The following CNBD1 variants were observed in gnomAD, a reference collection of about 807,000 sequenced individuals.
CNBD1 encodes the protein cyclic nucleotide binding domain containing 1, also known as cyclic nucleotide-binding domain-containing protein 1.
CNBD1 carries 71 observed loss-of-function variants against 54.4 expected under a neutral mutation model. The observed-to-expected ratio is 1.30, with a 90% CI of 1.08 to 1.59. The LOEUF (loss-of-function observed/expected upper bound fraction) is 1.59. Ranked by LOEUF, CNBD1 falls within the 40% of genes most tolerant of loss-of-function variation. The pLI is 0.00. For missense variants in CNBD1, 659 were observed against 518.0 expected (o/e 1.27, Z -2.64); for synonymous variants, 182 against 170.7 (o/e 1.07, Z -0.51).
At chr8:86,967,495 C>G (rs1160999188) in intron 4 of CNBD1, among the ~76,000 whole-genome samples, 2 of 152,254 alleles carry the variant, frequency 1.3e-5, no homozygotes, top group African/African-American at 2.4e-5. Context: ...GCAGCACCAA[C>G]TGAGCCTCCC....
intron 3 of CNBD1, among the ~76,000 whole-genome samples, chr8:86,934,738 G>A (rs774144954): frequency 2.6e-5 from 4 of 151,734 alleles, no homozygotes; most frequent in Non-Finnish European, 4.4e-5. Context: ...TTTTCCTTAC[G>A]TATTTTGTTA....
chr8:87,327,052 A>G (rs1809685824), intron 8 of CNBD1, among the ~76,000 whole-genome samples: 2 of 149,828 alleles, frequency 1.3e-5, no homozygotes, highest in Admixed American at 6.7e-5. Context: ...GATCTGTTGG[A>G]ATACCCTGCC....
downstream of CNBD1, among the ~76,000 whole-genome samples, chr8:87,387,078 G>C (rs991105183): frequency 6.6e-6 from 1 of 152,144 alleles, no homozygotes; most frequent in Non-Finnish European, 1.5e-5. Context: ...TCACCACCAG[G>C]CCTGCCCTAA....
chr8:87,201,157 T>C (rs1418851068), intron 4 of CNBD1, among the ~76,000 whole-genome samples: 1 of 152,056 alleles, frequency 6.6e-6, no homozygotes, highest in Admixed American at 6.5e-5. Context: ...ATTTTCTTTA[T>C]AAATATGAAA....
intron 5 of CNBD1, among the ~76,000 whole-genome samples, chr8:87,231,685 G>A (rs1035491930): frequency 1.3e-5 from 2 of 151,922 alleles, no homozygotes; most frequent in African/African-American, 4.8e-5. Flanking sequence ...CCATTTAATT[G>A]ACATATCATA....
intron 3 of CNBD1, among the ~76,000 whole-genome samples, chr8:86,938,615 G>A (rs1809593637): frequency 6.6e-6 from 1 of 152,134 alleles, no homozygotes; most frequent in Admixed American, 6.5e-5. Context: ...ATCAGATCTT[G>A]TGAGACTTAC....
chr8:87,370,563 T>A (rs1450335449), intron 10 of CNBD1, among the ~76,000 whole-genome samples: 1 of 152,162 alleles, frequency 6.6e-6, no homozygotes, highest in Non-Finnish European at 1.5e-5. Context: ...TGCCCACTTT[T>A]TGATGGGGTT....
At chr8:86,873,032 C>T (rs1393760322) in intron 1 of CNBD1, among the ~76,000 whole-genome samples, 1 of 151,746 alleles carries the variant, frequency 6.6e-6, no homozygotes, top group Admixed American at 6.6e-5. Context: ...AAGCTACGAT[C>T]ATGCTACTGC....
At chr8:87,404,111 C>G (rs981801526) in intron 2 of CNBD1, among the ~76,000 whole-genome samples, 10 of 151,912 alleles carry the variant, frequency 6.6e-5, no homozygotes, top group Non-Finnish European at 1.5e-4. Flanking sequence ...GGTATTAGAT[C>G]AAGAGAGAAG....
intron 2 of CNBD1, among the ~76,000 whole-genome samples, chr8:87,409,376 G>A (rs1200214194): frequency 6.6e-6 from 1 of 152,246 alleles, no homozygotes; most frequent in African/African-American, 2.4e-5. Flanking sequence ...GCAGAAATTT[G>A]AAAGCTAACA....
intron 8 of CNBD1, among the ~76,000 whole-genome samples, chr8:87,336,807 T>C (rs1445509164): frequency 6.6e-6 from 1 of 152,184 alleles, no homozygotes; most frequent in Non-Finnish European, 1.5e-5. Flanking sequence ...GTTTTTTCAT[T>C]GATTCTTTCT....
chr8:87,373,650 A>T (rs1289563922), intron 10 of CNBD1, among the ~76,000 whole-genome samples: 2 of 151,848 alleles, frequency 1.3e-5, no homozygotes, highest in Non-Finnish European at 2.9e-5. Flanking sequence ...GATGAAAGAA[A>T]ATTACAATAA....
chr8:87,269,162 C>G (rs1415326916), intron 6 of CNBD1, among the ~76,000 whole-genome samples: 3 of 152,056 alleles, frequency 2.0e-5, no homozygotes, highest in African/African-American at 7.2e-5. Flanking sequence ...TATCCCAGCA[C>G]CATTTACTGA....
At chr8:87,105,904 G>A (rs146924825) in intron 4 of CNBD1, among the ~76,000 whole-genome samples, 45 of 152,062 alleles carry the variant, frequency 3.0e-4, no homozygotes, top group African/African-American at 1.1e-3. Context: ...TTGTCATTTG[G>A]GGATTTTCTT....
intron 4 of CNBD1, among the ~76,000 whole-genome samples, chr8:87,127,933 A>G (rs1338836236): frequency 1.3e-5 from 2 of 152,102 alleles, no homozygotes; most frequent in East Asian, 1.9e-4. Context: ...ATGCCCGCCT[A>G]TCCTGTACCC....
intron 4 of CNBD1, among the ~76,000 whole-genome samples, chr8:86,949,930 T>C (rs1340123064): frequency 6.7e-6 from 1 of 148,828 alleles, no homozygotes; most frequent in Non-Finnish European, 1.5e-5. Context: ...TGAAGAGATG[T>C]TATACTTCAT....
intron 8 of CNBD1, among the ~76,000 whole-genome samples, chr8:87,341,131 T>C (rs1810055379): frequency 6.6e-6 from 1 of 152,206 alleles, no homozygotes; most frequent in Non-Finnish European, 1.5e-5. Flanking sequence ...CTTGTAAATT[T>C]CTAATTCAAG....
At chr8:87,007,259 T>G (rs987357872) in intron 4 of CNBD1, among the ~76,000 whole-genome samples, 1 of 152,166 alleles carries the variant, frequency 6.6e-6, no homozygotes, top group Admixed American at 6.5e-5. Context: ...TTTCCCCATT[T>G]ATTTTCACCT....
chr8:87,424,337 G>A (rs200744414), intron 2 of CNBD1, among the ~76,000 whole-genome samples: 3 of 151,798 alleles, frequency 2.0e-5, no homozygotes, highest in Admixed American at 6.6e-5. Flanking sequence ...GTGTTTGCTC[G>A]TGCTTTTCTA....
Sources: gnomAD v4.1 joint callset for allele counts (sites outside exome capture counted in the v4.1 genomes callset) on GRCh38, gnomAD v4.1.1 for gene constraint, MANE v1.5 for transcripts, NCBI Gene and HGNC (gene_info 2026-07-23, HGNC 2026-07-21) for gene names.